The following ADGRE2 variants were observed in gnomAD, a reference collection of about 807,000 sequenced individuals.
The protein encoded by ADGRE2 is CD97 antigen.
Under a neutral mutation model 100.8 loss-of-function variants are expected in ADGRE2, and 83 were observed. The observed-to-expected ratio is 0.82, with a 90% CI of 0.69 to 0.99. The LOEUF (loss-of-function observed/expected upper bound fraction) is 0.99. Among genes scored for constraint, ADGRE2 ranks in the 50% least tolerant of loss-of-function variants. The pLI is 0.00. For missense variants in ADGRE2, 814 were observed against 1,035.7 expected (o/e 0.79, Z 2.94); for synonymous variants, 355 against 413.0 (o/e 0.86, Z 1.70).
In ADGRE2 at chr19:14,770,506, CCATGACCACCACGTACAGTTGTGTAGG is replaced by C. The variant is rs923103170; in HGVS notation, c.355+1809_355+1835del. Among the ~76,000 whole-genome samples the C allele has an allele frequency of 6.8e-4, 103 of 152,138 alleles. 2 individuals carry two copies. Among genetic ancestry groups the C allele is most frequent in the Admixed American group, 1.0e-3 (16 of 15,266 alleles). On this transcript the variant is annotated intron_variant, in intron 5 of 20. Transcript: ENST00000315576. ...AACAGAGGCTCTCACTGACAAGGAC[CCATGACCACCACGTACAGTTGTGTAGG>C]TTGCTGACTACATATGGATGCCCAG...
rs150442380 is a variant in ADGRE2 at position 14,755,059 on chromosome 19, C to T, written c.1485G>A (p.Trp495Ter). ...WEHGQNGCGH[W>*]ATTGCSTIGT... is the part of the protein sequence containing the mutation. ...CTATTGTGCTGCAGCCTGTGGTGGC[C>T]CAGTGACCACATCCATTCTGGCCAT... is the stretch of plus-strand genomic sequence containing the variant. Residue 495 changes from tryptophan (W) to a stop codon, truncating the protein, a stop_gained, in exon 14 of 21, where the codon TGG (tryptophan) becomes TGA (stop). Coordinates refer to ENST00000315576, the MANE Select transcript of ADGRE2 (RefSeq NM_013447.4). LOFTEE classifies it high-confidence loss of function. 5.3e-5 allele frequency: 85 copies of T among 1,613,828 alleles called. No individual in the cohort carries two copies. The highest frequency in any genetic ancestry group is 6.8e-5 in the Non-Finnish European group (80 of 1,179,994).
At chr19:14,772,281 C>T (rs2147527017) in intron 5 of ADGRE2, 61 bp downstream of exon 5, 2 of 1,605,240 alleles carry the variant, frequency 1.2e-6, no homozygotes, top group Non-Finnish European at 8.5e-7. Flanking sequence ...GCTGCAGAAA[C>T]AGCTCTGGTG....
chr19:14,773,624 G>A (rs1021685873), intron 4 of ADGRE2, among the ~76,000 whole-genome samples: 3 of 151,776 alleles, frequency 2.0e-5, no homozygotes, highest in East Asian at 1.9e-4. Flanking sequence ...CAATCCTCCC[G>A]CCTCAGTCTT....
chr19:14,755,499 A>C (rs2043466552), intron 13 of ADGRE2, among the ~76,000 whole-genome samples, 155 bp downstream of exon 13: 1 of 151,944 alleles, frequency 6.6e-6, no homozygotes. Context: ...GGATGCTCAG[A>C]AATGCTTACC....
chr19:14,759,105 C>A (rs1568603945), intron 11 of ADGRE2, among the ~76,000 whole-genome samples: 2 of 152,038 alleles, frequency 1.3e-5, no homozygotes, highest in Non-Finnish European at 2.9e-5. Flanking sequence ...TTTTATTATG[C>A]AAATGGATTC....
downstream of ADGRE2, chr19:14,731,195 A>G (rs542278334): frequency 9.3e-5 from 142 of 1,534,506 alleles, no homozygotes; most frequent in Admixed American, 7.3e-4. Flanking sequence ...AATTTGGAAG[A>G]ATTTCCACAT....
At chr19:14,777,445 C>T (rs2044481450) in intron 1 of ADGRE2, among the ~76,000 whole-genome samples, 1 of 152,078 alleles carries the variant, frequency 6.6e-6, no homozygotes, top group South Asian at 2.1e-4. Context: ...GCCTGGGCAA[C>T]ATGGCGAAGC....
chr19:14,760,359 A>G (rs541672342), intron 11 of ADGRE2, among the ~76,000 whole-genome samples: 2 of 152,350 alleles, frequency 1.3e-5, no homozygotes, highest in South Asian at 2.1e-4. Context: ...AATTAAAAAC[A>G]GAACAAAAGA....
chr19:14,764,674 C>T lies in ADGRE2; in HGVS notation c.907-64G>A, dbSNP rs532924001. 2,354 of 1,488,344 alleles carry T rather than the reference C, an allele frequency of 1.6e-3. 3 individuals carry two copies. Among genetic ancestry groups the T allele is most frequent in the Non-Finnish European group, 2.0e-3 (2,154 of 1,099,454 alleles). 92.2% of individuals were successfully genotyped at this position (1,488,344 alleles called of 1,614,324 possible). A position where few individuals can be genotyped will look rare whatever the true frequency, so the allele number is the denominator to read the frequency against. The stretch of plus-strand genomic sequence containing the variant: ...CAGAGGGCCCGCATGAAGACTCCAA[C>T]CGCTCAGCCCCAGGGAACAGATCCT... On this transcript the variant is annotated intron_variant, in intron 10 of 20. Coordinates refer to ENST00000315576, the MANE Select transcript of ADGRE2 (RefSeq NM_013447.4).
chr19:14,777,287 G>T (rs1262386607), intron 1 of ADGRE2, among the ~76,000 whole-genome samples: 1 of 152,210 alleles, frequency 6.6e-6, no homozygotes, highest in Admixed American at 6.5e-5. Context: ...GCCAGAGTTG[G>T]CAGAGCCTGC....
chr19:14,777,558 A>G (rs911411228), intron 1 of ADGRE2, among the ~76,000 whole-genome samples: 5 of 152,132 alleles, frequency 3.3e-5, no homozygotes, highest in Non-Finnish European at 7.3e-5. Flanking sequence ...GGTTTGATAC[A>G]TAGGCATACA....
Position 14,746,980 on chromosome 19 carries a change from A to T in ADGRE2, c.2025-18T>A, listed in dbSNP as rs755966222. 7.3e-6 allele frequency: 11 copies of T among 1,514,520 alleles called. No individual in the cohort carries two copies. The African/African-American group carries it at 1.0e-4, about 14-fold the overall frequency. The allele number at this position is 1,514,520 out of a possible 1,614,324, so 93.8% of individuals were successfully genotyped here. ...GCCAGCAGCTGAAAAAAGAGAGATTAAAAAAAATGCATCAGTTTTTGGAGA... is the reference window on the plus strand; with the variant it reads ...GCCAGCAGCTGAAAAAAGAGAGATTTAAAAAAATGCATCAGTTTTTGGAGA... On this transcript the variant is annotated intron_variant, in intron 16 of 20. Coordinates refer to ENST00000315576, the MANE Select transcript of ADGRE2 (RefSeq NM_013447.4).
rs71166800 is a variant in ADGRE2, at chr19:14,776,976, G to GCGCGCA, written c.-171-50_-171-49insTGCGCG. On this transcript the variant is annotated intron_variant, in intron 1 of 20. Transcript: ENST00000315576. ...ATAAAAACACAGAACCAGGGGCGCT[G>GCGCGCA]CACACACACACACACACACACACAC... 6.7e-4 allele frequency: 685 copies of GCGCGCA among 1,026,180 alleles called. 7 individuals are homozygous for GCGCGCA. Among genetic ancestry groups the GCGCGCA allele is most frequent in the South Asian group, 1.8e-3 (77 of 42,646 alleles). 63.6% of individuals were successfully genotyped at this position (1,026,180 alleles called of 1,614,324 possible).
intron 13 of ADGRE2, 126 bp downstream of exon 13, chr19:14,755,528 G>A (rs1235160449): frequency 2.4e-6 from 2 of 844,602 alleles, no homozygotes; most frequent in Admixed American, 2.1e-5. Context: ...GCTTGGGAAG[G>A]ACTGACTTTC....
chr19:14,746,810 T>C, intron 17 of ADGRE2, 86 bp downstream of exon 17: 1 of 1,351,956 alleles, frequency 7.4e-7, no homozygotes, highest in Admixed American at 1.9e-5. Context: ...CCAGGGGACA[T>C]TCCTGCTCTT....
chr19:14,725,372 C>T, the ADGRE2 span, among the ~76,000 whole-genome samples: 1 of 152,112 alleles, frequency 6.6e-6, no homozygotes, highest in Non-Finnish European at 1.5e-5. Context: ...TATTATTCTG[C>T]CCCTGCCCCT....
chr19:14,773,612 A>G (rs2044305582), intron 4 of ADGRE2, among the ~76,000 whole-genome samples: 1 of 151,832 alleles, frequency 6.6e-6, no homozygotes, highest in African/African-American at 2.4e-5. Context: ...CCTGGGCTCA[A>G]ACAATCCTCC....
downstream of ADGRE2, among the ~76,000 whole-genome samples, chr19:14,728,973 TAAA>T (rs1407594235): frequency 6.6e-6 from 1 of 152,006 alleles, no homozygotes; most frequent in East Asian, 1.9e-4. Context: ...TTCTCTCAAA[TAAA>T]GAAGGGGGAA....
the ADGRE2 span, among the ~76,000 whole-genome samples, chr19:14,725,050 C>T: frequency 6.6e-6 from 1 of 152,294 alleles, no homozygotes; most frequent in South Asian, 2.1e-4. Context: ...GCTCTACAAG[C>T]ATGGCACCAG....
Sources: gnomAD v4.1 joint callset for allele counts (sites outside exome capture counted in the v4.1 genomes callset) on GRCh38, gnomAD v4.1.1 for gene constraint, MANE v1.5 for transcripts, NCBI Gene and HGNC (gene_info 2026-07-23, HGNC 2026-07-21) for gene names.